The following GRIA4 variants were observed in gnomAD, a reference collection of about 807,000 sequenced individuals.
GRIA4 encodes glutamate receptor 4.
Under a neutral mutation model 104.0 loss-of-function variants are expected in GRIA4, and 34 were observed. That is an observed-to-expected ratio of 0.33 (90% CI 0.25 to 0.44). The LOEUF is 0.44. Among genes scored for constraint, GRIA4 ranks in the 20% least tolerant of loss-of-function variants. The probability of loss-of-function intolerance (pLI) is 1.00; values close to 1 mark genes in which losing one functional copy is unlikely to be tolerated. For missense variants in GRIA4, 750 were observed against 1,096.5 expected, an observed-to-expected ratio of 0.68 and a Z score of 4.46; for synonymous variants, 386 against 381.9, an observed-to-expected ratio of 1.01 and a Z score of -0.13.
intron 3 of GRIA4, among the ~76,000 whole-genome samples, chr11:105,705,456 T>C (rs544358287): frequency 6.6e-6 from 1 of 151,976 alleles, no homozygotes; most frequent in Non-Finnish European, 1.5e-5. Flanking sequence ...AACAACACCA[T>C]AAATAAAATC....
intron 14 of GRIA4, among the ~76,000 whole-genome samples, chr11:105,940,021 C>T (rs1457565963): frequency 6.6e-6 from 1 of 152,022 alleles, no homozygotes; most frequent in East Asian, 1.9e-4. Context: ...CTTATGATCC[C>T]AGGGCCCTCT....
chr11:105,864,992 C>A (rs1009632849), intron 5 of GRIA4, among the ~76,000 whole-genome samples: 3 of 152,124 alleles, frequency 2.0e-5, no homozygotes, highest in African/African-American at 7.2e-5. Context: ...ATAGTTCAGA[C>A]AATATTCTCT....
intron 4 of GRIA4, among the ~76,000 whole-genome samples, chr11:105,773,552 C>T (rs558987126): frequency 1.1e-4 from 16 of 152,090 alleles, no homozygotes; most frequent in Non-Finnish European, 4.4e-5. Context: ...CCCTCCAGCA[C>T]GCTGGGCTCT....
At chr11:105,730,272 A>G (rs1312552583) in intron 3 of GRIA4, among the ~76,000 whole-genome samples, 1 of 152,326 alleles carries the variant, frequency 6.6e-6, no homozygotes, top group East Asian at 1.9e-4. Context: ...GCTAACTCCC[A>G]TTCACAATTG....
chr11:105,870,771 T>C (rs572723955), intron 5 of GRIA4, among the ~76,000 whole-genome samples: 38 of 152,206 alleles, frequency 2.5e-4, no homozygotes, highest in African/African-American at 8.7e-4. Context: ...TCATGGGCTT[T>C]ACTAGGAAGT....
intron 3 of GRIA4, among the ~76,000 whole-genome samples, chr11:105,709,933 T>C (rs1465695295): frequency 1.3e-5 from 2 of 152,136 alleles, no homozygotes; most frequent in African/African-American, 2.4e-5. Context: ...TGTGGGCTGA[T>C]GTACAAGTGG....
chr11:105,732,995 TACC>T (rs1301123345), intron 3 of GRIA4, among the ~76,000 whole-genome samples: 1 of 152,234 alleles, frequency 6.6e-6, no homozygotes, highest in Non-Finnish European at 1.5e-5. Flanking sequence ...AAATTGTGTA[TACC>T]ACACTTAAAC....
At position 105,648,629 on chromosome 11, in the gene GRIA4, G is replaced by C. The variant is rs1951600361; in HGVS notation, c.247+36195G>C. 2.0e-5 allele frequency among the ~76,000 whole-genome samples: 3 copies of C among 151,874 alleles called. No individual in the cohort carries two copies. In the South Asian group the frequency reaches 6.2e-4, roughly 31 times the overall value. ...AAAGAACTAGGAAGGGAAGGATGCA[G>C]AGAAAGAAAAGAAACAATCTGGAGA... On this transcript the variant is annotated intron_variant, in intron 3 of 16. Coordinates refer to ENST00000282499, the MANE Select transcript of GRIA4 (RefSeq NM_000829.4).
intron 4 of GRIA4, among the ~76,000 whole-genome samples, chr11:105,776,961 TC>T (rs1941477320): frequency 6.6e-6 from 1 of 152,118 alleles, no homozygotes; most frequent in Non-Finnish European, 1.5e-5. Flanking sequence ...AACAGGGAGT[TC>T]CCTTGGCCCT....
chr11:105,828,194 T>C (rs1301801242), intron 4 of GRIA4, among the ~76,000 whole-genome samples: 1 of 152,046 alleles, frequency 6.6e-6, no homozygotes, highest in East Asian at 1.9e-4. Context: ...CATATTACTG[T>C]TTCTCTTTCA....
chr11:105,955,361 A>G (rs559305414), intron 14 of GRIA4, among the ~76,000 whole-genome samples: 1 of 152,132 alleles, frequency 6.6e-6, no homozygotes, highest in South Asian at 2.1e-4. Flanking sequence ...TATATGAGTG[A>G]GAACATGTGG....
chr11:105,804,835 A>T (rs1215672417), intron 4 of GRIA4, among the ~76,000 whole-genome samples: 1 of 151,936 alleles, frequency 6.6e-6, no homozygotes, highest in Non-Finnish European at 1.5e-5. Context: ...ATTAGATGTA[A>T]AGATCATTGC....
intron 6 of GRIA4, among the ~76,000 whole-genome samples, chr11:105,888,717 G>C (rs1289838536): frequency 6.6e-6 from 1 of 152,012 alleles, no homozygotes; most frequent in East Asian, 1.9e-4. Context: ...GTCAGACTTT[G>C]AGACAGGAAT....
At chr11:105,781,451 G>T (rs1422956769) in intron 4 of GRIA4, among the ~76,000 whole-genome samples, 1 of 152,062 alleles carries the variant, frequency 6.6e-6, no homozygotes, top group African/African-American at 2.4e-5. Context: ...TCTAAATTTT[G>T]TGGGTTTTTT....
chr11:105,938,964 T>C (rs1318308815), intron 14 of GRIA4, among the ~76,000 whole-genome samples: 2 of 152,320 alleles, frequency 1.3e-5, no homozygotes, highest in African/African-American at 2.4e-5. Context: ...ATTCTAAATT[T>C]TTCATTTAAA....
chr11:105,773,969 C>T, intron 4 of GRIA4, among the ~76,000 whole-genome samples: 1 of 150,062 alleles, frequency 6.7e-6, no homozygotes, highest in East Asian at 2.0e-4. Flanking sequence ...GAATATTATA[C>T]CTAATGAATT....
intron 3 of GRIA4, among the ~76,000 whole-genome samples, chr11:105,654,821 C>T (rs895255786): frequency 6.6e-6 from 1 of 152,148 alleles, no homozygotes; most frequent in African/African-American, 2.4e-5. Context: ...GGTACACAGA[C>T]TCCTAAATAC....
chr11:105,691,961 A>C (rs905904690), intron 3 of GRIA4, among the ~76,000 whole-genome samples: 4 of 151,422 alleles, frequency 2.6e-5, no homozygotes, highest in Non-Finnish European at 4.4e-5. Flanking sequence ...AAAAAGTAAA[A>C]ATGTAAATAT....
At chr11:105,766,475 G>A (rs1940947462) in intron 4 of GRIA4, among the ~76,000 whole-genome samples, 1 of 152,148 alleles carries the variant, frequency 6.6e-6, no homozygotes, top group South Asian at 2.1e-4. Flanking sequence ...TTATTGATAT[G>A]AGCTTTGGAC....
Sources: gnomAD v4.1 joint callset for allele counts (sites outside exome capture counted in the v4.1 genomes callset) on GRCh38, gnomAD v4.1.1 for gene constraint, MANE v1.5 for transcripts, NCBI Gene and HGNC (gene_info 2026-07-23, HGNC 2026-07-21) for gene names.